EYS: variants seen among roughly 807,000 people sequenced by gnomAD.
EYS encodes protein eyes shut homolog.
A neutral mutation model predicts 282.1 loss-of-function variants in EYS; 250 were observed. The observed-to-expected ratio is 0.89, with a 90% CI of 0.80 to 0.98. The LOEUF is 0.98. Ranked by LOEUF, EYS falls within the 50% of genes least tolerant of loss-of-function variation. The probability of loss-of-function intolerance (pLI) is 0.00; values close to 1 mark genes in which losing one functional copy is unlikely to be tolerated. For missense variants in EYS, 4,016 were observed against 3,709.0 expected (o/e 1.08, Z -2.15); for synonymous variants, 1,355 against 1,282.9 (o/e 1.06, Z -1.20).
intron 36 of EYS, 81 bp downstream of exon 36, chr6:63,864,105 A>G: frequency 1.0e-5 from 13 of 1,267,470 alleles, no homozygotes; most frequent in Non-Finnish European, 1.4e-5. Context: ...GTCAAGTGCT[A>G]TCCTTGATTC....
intron 1 of EYS, among the ~76,000 whole-genome samples, chr6:65,699,769 T>C (rs1247445439): frequency 1.3e-5 from 2 of 152,152 alleles, no homozygotes; most frequent in African/African-American, 4.8e-5. Flanking sequence ...CAAAGTCTTA[T>C]TAATGAAGGC....
intron 12 of EYS, among the ~76,000 whole-genome samples, chr6:65,254,237 T>C (rs1279048083): frequency 2.6e-5 from 4 of 151,950 alleles, no homozygotes; most frequent in Admixed American, 2.0e-4. Flanking sequence ...TACAGACCAG[T>C]GCACACATAG....
chr6:65,078,283 G>C (rs1223196273), intron 12 of EYS, among the ~76,000 whole-genome samples: 1 of 152,038 alleles, frequency 6.6e-6, no homozygotes, highest in Non-Finnish European at 1.5e-5. Flanking sequence ...TTTCAAATTT[G>C]AGACATTAAG....
At chr6:64,178,685 A>AT (rs1208468736) in intron 31 of EYS, among the ~76,000 whole-genome samples, 2 of 151,990 alleles carry the variant, frequency 1.3e-5, no homozygotes, top group African/African-American at 4.8e-5. Context: ...CAAACAAAGG[A>AT]TTTTTTAGCA....
chr6:64,559,149 A>G (rs1765323057), intron 26 of EYS, among the ~76,000 whole-genome samples: 2 of 152,140 alleles, frequency 1.3e-5, no homozygotes, highest in South Asian at 4.1e-4. Flanking sequence ...TTTTCTCTAA[A>G]AAATAAATGT....
At chr6:63,919,412 A>T (rs976486932) in intron 35 of EYS, among the ~76,000 whole-genome samples, 11 of 150,660 alleles carry the variant, frequency 7.3e-5, no homozygotes, top group Non-Finnish European at 1.5e-4. Flanking sequence ...GAAAAAAAAA[A>T]ATCCCAACCC....
chr6:63,726,814 A>T, intron 41 of EYS, 134 bp from the exon 42 acceptor site: 1 of 737,864 alleles, frequency 1.4e-6, no homozygotes, highest in South Asian at 1.8e-5. Flanking sequence ...GTAGGTGAGT[A>T]CATCAAACCT....
chr6:63,738,191 G>A (rs1361477951), intron 41 of EYS, among the ~76,000 whole-genome samples: 1 of 152,126 alleles, frequency 6.6e-6, no homozygotes, highest in African/African-American at 2.4e-5. Context: ...ATTCCTTAGG[G>A]AACTAGAACT....
At chr6:64,910,845 A>G (rs1327272751) in intron 16 of EYS, among the ~76,000 whole-genome samples, 1 of 152,052 alleles carries the variant, frequency 6.6e-6, no homozygotes, top group Admixed American at 6.5e-5. Context: ...ATAAATAGCA[A>G]AAGAATTTTT....
intron 26 of EYS, among the ~76,000 whole-genome samples, chr6:64,534,657 T>C (rs1385425071): frequency 2.0e-5 from 3 of 152,188 alleles, no homozygotes; most frequent in African/African-American, 7.2e-5. Context: ...ACTTTTTTCA[T>C]CTGGTTTTAT....
intron 22 of EYS, among the ~76,000 whole-genome samples, chr6:64,740,989 A>C (rs1772352849): frequency 6.6e-6 from 1 of 152,166 alleles, no homozygotes; most frequent in African/African-American, 2.4e-5. Flanking sequence ...CTGGGATTAC[A>C]GGCGTGAGCC....
At chr6:63,982,353 G>T (rs1017387950) in intron 35 of EYS, among the ~76,000 whole-genome samples, 2 of 151,852 alleles carry the variant, frequency 1.3e-5, no homozygotes, top group African/African-American at 4.8e-5. Flanking sequence ...TGCAGTAAAG[G>T]TATGGGATAG....
At chr6:64,364,180 A>G (rs207467056) in intron 29 of EYS, among the ~76,000 whole-genome samples, 1 of 152,010 alleles carries the variant, frequency 6.6e-6, no homozygotes, top group South Asian at 2.1e-4. Context: ...ACGTAATTCC[A>G]TAAAAAATTC....
At chr6:65,443,768 A>T (rs1768538658) in intron 5 of EYS, among the ~76,000 whole-genome samples, 1 of 151,490 alleles carries the variant, frequency 6.6e-6, no homozygotes, top group Non-Finnish European at 1.5e-5. Context: ...GCATATACAC[A>T]TATATTCATA....
At chr6:64,080,738 G>T (rs1237322159) in intron 32 of EYS, among the ~76,000 whole-genome samples, 3 of 150,988 alleles carry the variant, frequency 2.0e-5, no homozygotes, top group East Asian at 3.9e-4. Flanking sequence ...TTTGTATAAG[G>T]TGTAAGGAAG....
chr6:65,635,611 T>C lies in EYS; in HGVS notation c.-333+4167A>G, dbSNP rs372697023. Among the ~76,000 whole-genome samples the C allele has an allele frequency of 4.6e-5, 7 of 152,092 alleles. No homozygotes were observed. In the East Asian group the frequency reaches 9.6e-4, roughly 21 times the overall value. ...TTACAGGCACGAGCCACAGCACCCA[T>C]TCAATATAAAATTTAGTTTTAAATG... On this transcript the variant is annotated intron_variant, in intron 2 of 42. Transcript: ENST00000503581.
chr6:65,490,604 C>G lies in EYS; in HGVS notation c.852G>C (p.Glu284Asp). The change falls in exon 5 of 43, where the codon GAG becomes GAC. Residue 284 changes from glutamate to aspartate, a missense_variant. Glu to Asp is a conservative substitution (Grantham distance 45). Coordinates refer to ENST00000503581, the MANE Select transcript of EYS (RefSeq NM_001142800.2). ...TSNSFICECD[E>D]QFSGPFCEVS... ...ATATGCATTTTTTACCTGAAAATTG[C>G]TCATCACATTCACAAATGAAACTAT... 6.2e-7 allele frequency: 1 copy of G among 1,601,384 alleles called. No homozygotes were observed.
intron 26 of EYS, among the ~76,000 whole-genome samples, chr6:64,458,091 T>C (rs1450374372): frequency 1.3e-5 from 2 of 152,064 alleles, no homozygotes; most frequent in South Asian, 2.1e-4. Flanking sequence ...CGGCCCACAT[T>C]GTAAATTCAT....
chr6:64,552,998 T>C (rs1765132723), intron 26 of EYS, among the ~76,000 whole-genome samples: 1 of 133,480 alleles, frequency 7.5e-6, no homozygotes, highest in Non-Finnish European at 1.5e-5. Context: ...CCCTACCCAC[T>C]TCAAGTTGTC....
Sources: allele counts gnomAD v4.1 joint callset (sites outside exome capture counted in the v4.1 genomes callset), GRCh38; gene constraint gnomAD v4.1.1; transcripts MANE v1.5; gene names NCBI Gene and HGNC (gene_info 2026-07-23, HGNC 2026-07-21).